PGM3: variants seen among roughly 807,000 people sequenced by gnomAD.
The protein encoded by PGM3 is phosphoacetylglucosamine mutase.
A neutral mutation model predicts 66.2 loss-of-function variants in PGM3; 40 were observed. The ratio of observed to expected loss-of-function variants is 0.60; its 90% CI spans 0.47 to 0.79. The LOEUF is 0.79. PGM3 is among the 30% of genes least tolerant of loss of function. The pLI is 0.00. For synonymous variants in PGM3, 191 were observed against 224.2 expected (o/e 0.85, Z 1.32); for missense variants, 537 against 643.4 (o/e 0.83, Z 1.79).
the PGM3 span, chr6:83,154,238 A>C: frequency 6.2e-7 from 1 of 1,613,162 alleles, no homozygotes; most frequent in Non-Finnish European, 8.5e-7. Context: ...TAGAGATTTG[A>C]TGAGTGAGTA....
chr6:83,159,928 A>T, downstream of PGM3: 1 of 1,614,134 alleles, frequency 6.2e-7, no homozygotes, highest in Non-Finnish European at 8.5e-7. Flanking sequence ...TGGCTCTCGC[A>T]TTGCCCTCTG....
chr6:83,159,495 T>C (rs1000325119), downstream of PGM3, among the ~76,000 whole-genome samples: 2 of 152,086 alleles, frequency 1.3e-5, no homozygotes, highest in Non-Finnish European at 2.9e-5. Flanking sequence ...TTCATCATGT[T>C]GCCCAGGCTG....
chr6:83,178,554 CA>C (rs1477220590), intron 8 of PGM3, 118 bp downstream of exon 8: 4 of 686,598 alleles, frequency 5.8e-6, no homozygotes, highest in Non-Finnish European at 1.0e-5. Flanking sequence ...TTTACCTTTA[CA>C]TGAACAGCAG....
At chr6:83,161,636 T>C (rs1320352895), downstream of PGM3, among the ~76,000 whole-genome samples, 1 of 152,196 alleles carries the variant, frequency 6.6e-6, no homozygotes, top group African/African-American at 2.4e-5. Flanking sequence ...CTCCTGAGTT[T>C]CCGATTAAAA....
At chr6:83,164,680 G>C (rs764165793), downstream of PGM3, 36 of 1,586,672 alleles carry the variant, frequency 2.3e-5, no homozygotes, top group Non-Finnish European at 3.1e-5. Flanking sequence ...AGGACTTTAA[G>C]ACAGTGATTT....
chr6:83,189,666 C>T (rs955920807), intron 2 of PGM3, among the ~76,000 whole-genome samples: 1 of 152,106 alleles, frequency 6.6e-6, no homozygotes, highest in Admixed American at 6.6e-5. Context: ...TTATTCAAAC[C>T]CTGTATTAAT....
chr6:83,155,575 T>G, the PGM3 span, among the ~76,000 whole-genome samples: 1 of 152,114 alleles, frequency 6.6e-6, no homozygotes, highest in Admixed American at 6.6e-5. Context: ...GGGTGAGTAA[T>G]GACTTGAGGA....
Position 83,178,717 on chromosome 6 carries a change from A to T in PGM3, c.985T>A (p.Tyr329Asn). 6.2e-7 allele frequency: 1 copy of T among 1,604,600 alleles called. No homozygotes were observed. Among genetic ancestry groups the T allele is most frequent in the Middle Eastern group, 1.7e-4 (1 of 6,042 alleles). ...SLNIGVVQTA[Y>N]ANGSSTRYLE... ...TACCGTGTTGAACTTCCATTTGCATATGCAGTTTGTACAACACCAATATTC... is the reference window on the plus strand; with the variant it reads ...TACCGTGTTGAACTTCCATTTGCATTTGCAGTTTGTACAACACCAATATTC... Residue 329 changes from tyrosine (Y) to asparagine (N), a missense_variant, in exon 8 of 13, where the codon TAT (tyrosine) becomes AAT (asparagine). Physicochemically the swap from Tyr to Asn is moderately radical, Grantham distance 143 (BLOSUM62 -2). Transcript: ENST00000513973.
chr6:83,158,148 G>A (rs529034555), downstream of PGM3, among the ~76,000 whole-genome samples: 11 of 152,076 alleles, frequency 7.2e-5, no homozygotes, highest in African/African-American at 2.4e-4. Context: ...ACAGGCACCT[G>A]CCACCACACC....
intron 1 of PGM3, chr6:83,191,313 T>C (rs1185741027): frequency 7.9e-7 from 1 of 1,263,054 alleles, no homozygotes. Flanking sequence ...CTTAAATTGG[T>C]CCACTCTCAA....
At chr6:83,172,251 A>G (rs1787281350) in intron 10 of PGM3, among the ~76,000 whole-genome samples, 192 bp from the exon 11 acceptor site, 1 of 152,140 alleles carries the variant, frequency 6.6e-6, no homozygotes, top group South Asian at 2.1e-4. Flanking sequence ...TGGGTATACA[A>G]CTGCCAGGTG....
In PGM3 at chr6:83,188,644, T is replaced by C; in HGVS notation, c.359A>G (p.Asp120Gly). Residue 120 changes from aspartate (D) to glycine (G), a missense_variant, in exon 3 of 13, where the codon GAT becomes GGT. Asp to Gly is a moderately conservative substitution (Grantham distance 94, BLOSUM62 -1). Coordinates refer to ENST00000513973, the MANE Select transcript of PGM3 (RefSeq NM_015599.3). Reference sequence around the variant, plus strand: ...ATCTCTACCAATAACTACAAAGGCATCTTGTTGCAGATTCACAGCTTCTTT... The same window carrying C: ...ATCTCTACCAATAACTACAAAGGCACCTTGTTGCAGATTCACAGCTTCTTT... ...SEKEAVNLQQ[D>G]AFVVIGRDTR... is the part of the protein sequence containing the mutation. 1 of 1,613,904 alleles carries C rather than the reference T, an allele frequency of 6.2e-7. No individual in the cohort carries two copies. Among genetic ancestry groups the C allele is most frequent in the African/African-American group, 1.3e-5 (1 of 75,036 alleles).
At chr6:83,175,818 A>G (rs1431499680) in intron 9 of PGM3, 144 bp downstream of exon 9, 1 of 574,930 alleles carries the variant, frequency 1.7e-6, no homozygotes, top group African/African-American at 1.9e-5. Flanking sequence ...TAATACATCA[A>G]TATATAAGAT....
chr6:83,151,508 G>A, the PGM3 span: 32 of 1,035,624 alleles, frequency 3.1e-5, no homozygotes, highest in Non-Finnish European at 3.8e-5. Context: ...CCATTAAGCC[G>A]CTTAACTCAT....
downstream of PGM3, chr6:83,158,641 A>G: frequency 6.4e-7 from 1 of 1,570,552 alleles, no homozygotes; most frequent in African/African-American, 1.4e-5. Flanking sequence ...TAATTTAAAT[A>G]TATTGTTGTC....
chr6:83,154,139 G>A, the PGM3 span: 3 of 1,610,666 alleles, frequency 1.9e-6, no homozygotes, highest in Non-Finnish European at 2.5e-6. Flanking sequence ...TTCTTTAACA[G>A]TAACAACATA....
intron 10 of PGM3, among the ~76,000 whole-genome samples, chr6:83,173,804 T>C (rs919009933): frequency 3.1e-4 from 47 of 152,176 alleles, no homozygotes; most frequent in Admixed American, 6.5e-4. Flanking sequence ...TGGCGTGATC[T>C]TGGCTCACTG....
Position 83,169,199 on chromosome 6 carries a change from A to G in PGM3, c.*35T>C, listed in dbSNP as rs1786528399. Reference sequence around the variant, plus strand: ...ATTGACAGTTTTGTAAAGACTTGTAAAAAGTCCAGTTTCTCAGGAATATGA... The same window carrying G: ...ATTGACAGTTTTGTAAAGACTTGTAGAAAGTCCAGTTTCTCAGGAATATGA... On this transcript the variant is annotated 3_prime_UTR_variant, in exon 13 of 13. Transcript: ENST00000513973. 5.6e-6 allele frequency: 9 copies of G among 1,612,328 alleles called. No individual in the cohort carries two copies. The highest frequency in any genetic ancestry group is 7.6e-6 in the Non-Finnish European group (9 of 1,179,204).
intron 8 of PGM3, among the ~76,000 whole-genome samples, chr6:83,177,609 G>A (rs748214903): frequency 1.3e-5 from 2 of 152,148 alleles, no homozygotes; most frequent in Non-Finnish European, 2.9e-5. Context: ...GATAAAAGAT[G>A]GCTAATGACA....
Sources: gnomAD v4.1 joint callset for allele counts (sites outside exome capture counted in the v4.1 genomes callset) on GRCh38, gnomAD v4.1.1 for gene constraint, MANE v1.5 for transcripts, NCBI Gene and HGNC (gene_info 2026-07-23, HGNC 2026-07-21) for gene names.